The following ACYP2 variants were observed in gnomAD, a reference collection of about 807,000 sequenced individuals.
ACYP2 encodes acylphosphatase-2.
Under a neutral mutation model 11.2 loss-of-function variants are expected in ACYP2, and 12 were observed. That is an observed-to-expected ratio of 1.08 (90% CI 0.69 to 1.74). The LOEUF (loss-of-function observed/expected upper bound fraction) is 1.74, where lower values mean the gene tolerates loss of function less well. Among genes scored for constraint, ACYP2 ranks in the 40% most tolerant of loss-of-function variants. The probability of loss-of-function intolerance (pLI) is 0.00; values close to 1 mark genes in which losing one functional copy is unlikely to be tolerated. For synonymous variants in ACYP2, 43 were observed against 32.2 expected (o/e 1.33, Z -1.13); for missense variants, 134 against 101.9 (o/e 1.31, Z -1.35).
At chr2:54,025,270 C>G (rs923600683) in intron 2 of ACYP2, among the ~76,000 whole-genome samples, 1 of 151,988 alleles carries the variant, frequency 6.6e-6, no homozygotes, top group Non-Finnish European at 1.5e-5. Context: ...ACCATATAGC[C>G]AAAGCAAGAC....
At chr2:54,073,612 G>A (rs931729336) in intron 4 of ACYP2, among the ~76,000 whole-genome samples, 4 of 152,124 alleles carry the variant, frequency 2.6e-5, no homozygotes, top group African/African-American at 9.7e-5. Flanking sequence ...CATAGAAGGG[G>A]AGAAAATTTT....
chr2:54,019,494 G>T (rs1020602870), intron 2 of ACYP2, among the ~76,000 whole-genome samples: 1 of 151,800 alleles, frequency 6.6e-6, no homozygotes, highest in Non-Finnish European at 1.5e-5. Context: ...CTCCAGCCTC[G>T]TTTTGCATAC....
chr2:53,991,464 G>T (rs1179969895), intron 2 of ACYP2, among the ~76,000 whole-genome samples: 2 of 150,546 alleles, frequency 1.3e-5, no homozygotes, highest in Non-Finnish European at 2.9e-5. Flanking sequence ...GGAGTGCAGT[G>T]GTGCGATCTT....
intron 2 of ACYP2, among the ~76,000 whole-genome samples, chr2:54,045,387 C>T (rs1216774295): frequency 2.6e-5 from 4 of 152,266 alleles, no homozygotes; most frequent in Admixed American, 1.3e-4. Context: ...AGTGTATTGG[C>T]GTGTTACTAT....
chr2:54,007,435 A>G (rs1673135352), intron 2 of ACYP2, among the ~76,000 whole-genome samples: 1 of 151,936 alleles, frequency 6.6e-6, no homozygotes, highest in South Asian at 2.1e-4. Flanking sequence ...TTGTATTTTT[A>G]GCAGAGATGG....
intron 2 of ACYP2, among the ~76,000 whole-genome samples, chr2:54,032,377 T>C (rs1674628905): frequency 6.6e-6 from 1 of 152,206 alleles, no homozygotes; most frequent in African/African-American, 2.4e-5. Flanking sequence ...ATTTGTTAAA[T>C]AGGGAATCCT....
intron 6 of ACYP2, among the ~76,000 whole-genome samples, chr2:54,219,905 A>ATATATATATATATATTTTT (rs1288814375): frequency 1.3e-5 from 1 of 75,998 alleles, no homozygotes; most frequent in Admixed American, 1.4e-4. Flanking sequence ...ATATATATAT[A>ATATATATATATATATTTTT]TTTTTTTTTT....
At chr2:53,999,928 T>G (rs2104526464) in intron 2 of ACYP2, among the ~76,000 whole-genome samples, 1 of 152,248 alleles carries the variant, frequency 6.6e-6, no homozygotes, top group East Asian at 1.9e-4. Flanking sequence ...GCCCTTGAGA[T>G]TTAAACTTCA....
At chr2:54,225,030 G>A (rs867939269) in intron 6 of ACYP2, among the ~76,000 whole-genome samples, 4 of 152,186 alleles carry the variant, frequency 2.6e-5, no homozygotes, top group African/African-American at 9.6e-5. Flanking sequence ...GATAAGGAAA[G>A]GATTACCATT....
chr2:54,298,705 C>T (rs1448810267), intron 6 of ACYP2, among the ~76,000 whole-genome samples: 1 of 152,194 alleles, frequency 6.6e-6, no homozygotes, highest in African/African-American at 2.4e-5. Context: ...CAGTTGTGCC[C>T]CATGTCACAC....
chr2:54,215,462 A>G (rs1685520711), intron 6 of ACYP2, among the ~76,000 whole-genome samples: 1 of 152,140 alleles, frequency 6.6e-6, no homozygotes, highest in Non-Finnish European at 1.5e-5. Flanking sequence ...TATTTTATCA[A>G]AAGAACTTAA....
chr2:54,201,262 C>T (rs1165968770), intron 6 of ACYP2, among the ~76,000 whole-genome samples: 4 of 152,118 alleles, frequency 2.6e-5, no homozygotes, highest in Non-Finnish European at 4.4e-5. Context: ...CCCGCCACCA[C>T]GCCCGACTAA....
At chr2:54,274,829 A>G (rs1688476107) in intron 6 of ACYP2, among the ~76,000 whole-genome samples, 2 of 152,198 alleles carry the variant, frequency 1.3e-5, no homozygotes, top group Admixed American at 1.3e-4. Flanking sequence ...AAAACATTAC[A>G]TCAGCCATGC....
intron 6 of ACYP2, among the ~76,000 whole-genome samples, chr2:54,294,661 C>T (rs1423571604): frequency 1.3e-5 from 2 of 152,004 alleles, no homozygotes; most frequent in African/African-American, 2.4e-5. Flanking sequence ...CCTGTAATTG[C>T]AGCTCTTGGG....
intron 4 of ACYP2, among the ~76,000 whole-genome samples, chr2:54,097,997 C>G (rs1293346316): frequency 7.0e-6 from 1 of 142,920 alleles, no homozygotes. Flanking sequence ...GAGTCTCCCT[C>G]TGTCACCCAG....
chr2:54,138,320 G>A (rs1437473757), intron 5 of ACYP2, among the ~76,000 whole-genome samples: 1 of 152,086 alleles, frequency 6.6e-6, no homozygotes, highest in Admixed American at 6.6e-5. Context: ...GCAGTCTTAA[G>A]GGCAATGCAG....
At chr2:54,239,191 C>T (rs978607779) in intron 6 of ACYP2, among the ~76,000 whole-genome samples, 2 of 152,028 alleles carry the variant, frequency 1.3e-5, no homozygotes, top group African/African-American at 4.8e-5. Context: ...TCACTGGCAC[C>T]CACAGTATTT....
intron 6 of ACYP2, among the ~76,000 whole-genome samples, chr2:54,172,974 CT>C (rs2103853190): frequency 6.6e-6 from 1 of 152,258 alleles, no homozygotes; most frequent in South Asian, 2.1e-4. Context: ...GGTTCTAAGT[CT>C]TTGCTATTGT....
Position 54,184,610 on chromosome 2 carries a change from G to GAAA in ACYP2, c.404+45864_404+45865insAAA, listed in dbSNP as rs140817002. Among the ~76,000 whole-genome samples the GAAA allele has an allele frequency of 6.0e-3, 914 of 152,100 alleles. 9 individuals carry two copies. Among genetic ancestry groups the GAAA allele is most frequent in the African/African-American group, 0.021 (867 of 41,486 alleles). ...GTAGAACTCTAAATAAAAATATCTAGAATTAAATAAACATAGGTGATAAAT... is the reference window on the plus strand; with the variant it reads ...GTAGAACTCTAAATAAAAATATCTAGAAAAATTAAATAAACATAGGTGATAAAT... On this transcript the variant is annotated intron_variant, in intron 6 of 6. Coordinates refer to ENST00000607452, the MANE Select transcript of ACYP2 (RefSeq NM_001320586.2).
Sources: allele counts gnomAD v4.1 joint callset (sites outside exome capture counted in the v4.1 genomes callset), GRCh38; gene constraint gnomAD v4.1.1; transcripts MANE v1.5; gene names NCBI Gene and HGNC (gene_info 2026-07-23, HGNC 2026-07-21).